The following SGTB variants were observed in gnomAD, a reference collection of about 807,000 sequenced individuals.
The protein encoded by SGTB is small glutamine rich tetratricopeptide repeat co-chaperone beta.
In SGTB, 19 loss-of-function variants were observed where a neutral mutation model predicts 43.9. That is an observed-to-expected ratio of 0.43 (90% CI 0.30 to 0.63). SGTB has a LOEUF of 0.63. Ranked by LOEUF, SGTB falls within the 30% of genes least tolerant of loss-of-function variation. SGTB has a pLI of 0.12. For missense variants in SGTB, 304 were observed against 358.9 expected, an observed-to-expected ratio of 0.85 and a Z score of 1.24; for synonymous variants, 116 against 117.3, an observed-to-expected ratio of 0.99 and a Z score of 0.07.
chr5:65,722,080 G>C lies in SGTB; in HGVS notation c.-186C>G, dbSNP rs925443397. ...AGGCCGTAGACCCCAGAACCCACCA[G>C]GCTGTGCTCTCTCTCAGGCGGCAGG... is the stretch of plus-strand genomic sequence containing the variant. On this transcript the variant is annotated 5_prime_UTR_variant, in exon 1 of 11. Coordinates refer to ENST00000381007, the MANE Select transcript of SGTB (RefSeq NM_019072.3). The C allele has an allele frequency of 6.0e-6, 1 of 165,576 alleles. No homozygotes were observed. The highest frequency in any genetic ancestry group is 2.4e-5 in the African/African-American group (1 of 41,784). 10.3% of individuals were successfully genotyped at this position (165,576 alleles called of 1,614,324 possible). A position where few individuals can be genotyped will look rare whatever the true frequency, so the allele number is the denominator to read the frequency against.
rs1757053462 is a variant in SGTB at position 65,667,123 on chromosome 5, T to A, written c.*3123A>T. On this transcript the variant is annotated 3_prime_UTR_variant, in exon 11 of 11. Transcript: ENST00000381007. ...TATGGTTCTGTTTAGGTTATCTGTT[T>A]CTACAGTGAGCTTTCTAGTTTGTAT... 1.3e-5 allele frequency: 2 copies of A among 152,348 alleles called. No homozygotes were observed. Among genetic ancestry groups the A allele is most frequent in the South Asian group, 4.1e-4 (2 of 4,828 alleles). The allele number at this position is 152,348 out of a possible 1,614,324, so 9.4% of individuals were successfully genotyped here. A position where few individuals can be genotyped will look rare whatever the true frequency, so the allele number is the denominator to read the frequency against.
Position 65,668,695 on chromosome 5 carries a change from T to G in SGTB, c.*1551A>C, listed in dbSNP as rs1757090856. On this transcript the variant is annotated 3_prime_UTR_variant, in exon 11 of 11. Coordinates refer to ENST00000381007, the MANE Select transcript of SGTB (RefSeq NM_019072.3). ...GGCAGAGGTTGCAGTGAGCCGCGAT[T>G]GCGCCACTGCACTCCAGCCTGGCGA... 6.7e-6 allele frequency: 1 copy of G among 149,680 alleles called. No individual in the cohort carries two copies. The highest frequency in any genetic ancestry group is 1.5e-5 in the Non-Finnish European group (1 of 67,816). 9.3% of individuals were successfully genotyped at this position (149,680 alleles called of 1,614,324 possible).
intron 8 of SGTB, among the ~76,000 whole-genome samples, chr5:65,676,899 A>G (rs1177367523): frequency 6.6e-6 from 1 of 152,024 alleles, no homozygotes; most frequent in Non-Finnish European, 1.5e-5. Flanking sequence ...ACAACCTAAT[A>G]TCACAAATAA....
intron 5 of SGTB, among the ~76,000 whole-genome samples, chr5:65,703,986 C>G (rs938392764): frequency 7.4e-6 from 1 of 135,104 alleles, no homozygotes; most frequent in African/African-American, 2.8e-5. Flanking sequence ...TGCAGTGAGC[C>G]GAGATCATGC....
intron 2 of SGTB, among the ~76,000 whole-genome samples, chr5:65,715,904 G>T (rs984133997): frequency 6.6e-6 from 1 of 152,202 alleles, no homozygotes; most frequent in African/African-American, 2.4e-5. Context: ...TGAGTAGCTG[G>T]GATTACAGAC....
At position 65,668,757 on chromosome 5, in the gene SGTB, AAT is replaced by A; in HGVS notation, c.*1487_*1488del. 1 of 150,960 alleles carries A rather than the reference AAT, an allele frequency of 6.6e-6. No homozygotes were observed. Among genetic ancestry groups the A allele is most frequent in the Non-Finnish European group, 1.5e-5 (1 of 67,674 alleles). 9.4% of individuals were successfully genotyped at this position (150,960 alleles called of 1,614,324 possible). A position where few individuals can be genotyped will look rare whatever the true frequency, so the allele number is the denominator to read the frequency against. On this transcript the variant is annotated 3_prime_UTR_variant, in exon 11 of 11. Coordinates refer to ENST00000381007, the MANE Select transcript of SGTB (RefSeq NM_019072.3). ...TCCATCTCAAGAAAAAAAAAAAAAA[AAT>A]TAGCTGGGCGTGGTGGTGGGCGCCC...
intron 5 of SGTB, among the ~76,000 whole-genome samples, chr5:65,702,686 G>A (rs1429128476): frequency 6.6e-6 from 1 of 152,094 alleles, no homozygotes; most frequent in African/African-American, 2.4e-5. Flanking sequence ...CCTTCCAAAG[G>A]TTCCACCTCC....
Position 65,713,024 on chromosome 5 carries a change from TGGG to T in SGTB, c.138_140del (p.Ser46_Pro47delinsArg). Reference sequence around the variant, plus strand: ...GTGAAACTGCTAGGTGTGTATCTTCTGGGCTGATCTTAAAAACTGTCTCCAAGC... The same window carrying T: ...GTGAAACTGCTAGGTGTGTATCTTCTCTGATCTTAAAAACTGTCTCCAAGC... On this transcript the variant is annotated inframe_deletion, in exon 3 of 11. Transcript: ENST00000381007. 1 of 1,613,694 alleles carries T rather than the reference TGGG, an allele frequency of 6.2e-7. No homozygotes were observed. The highest frequency in any genetic ancestry group is 1.3e-5 in the African/African-American group (1 of 75,054).
chr5:65,682,217 TA>T (rs1757410792), intron 6 of SGTB, among the ~76,000 whole-genome samples: 1 of 152,148 alleles, frequency 6.6e-6, no homozygotes, highest in African/African-American at 2.4e-5. Context: ...GCAAGCTTGG[TA>T]TTCTTAAGGA....
chr5:65,707,433 CA>C (rs1757954703), intron 4 of SGTB, among the ~76,000 whole-genome samples: 1 of 145,968 alleles, frequency 6.9e-6, no homozygotes, highest in African/African-American at 2.6e-5. Context: ...CACACACACA[CA>C]CATATATTTT....
chr5:65,678,282 G>T (rs1057057990), intron 8 of SGTB, among the ~76,000 whole-genome samples: 32 of 152,108 alleles, frequency 2.1e-4, no homozygotes, highest in African/African-American at 7.7e-4. Flanking sequence ...TAGAAATACA[G>T]CTAACAGGCA....
intron 5 of SGTB, among the ~76,000 whole-genome samples, chr5:65,696,554 T>G (rs1473175431): frequency 6.6e-6 from 1 of 152,184 alleles, no homozygotes; most frequent in Non-Finnish European, 1.5e-5. Context: ...AAAAATTGGC[T>G]GAATTCCTAC....
At position 65,666,492 on chromosome 5, in the gene SGTB, C is replaced by T. The variant is rs751219316; in HGVS notation, c.*3754G>A. On this transcript the variant is annotated 3_prime_UTR_variant, in exon 11 of 11. Transcript: ENST00000381007. ...GTTAATGGAAGTCAAACATTTAGTA[C>T]GATGCTTAAAGAGTTACTTTAATAA... is the stretch of plus-strand genomic sequence containing the variant. The T allele has an allele frequency of 3.3e-5, 5 of 152,114 alleles. No homozygotes were observed. The highest frequency in any genetic ancestry group is 5.9e-5 in the Non-Finnish European group (4 of 67,992). The allele number at this position is 152,114 out of a possible 1,614,324, so 9.4% of individuals were successfully genotyped here. A position where few individuals can be genotyped will look rare whatever the true frequency, so the allele number is the denominator to read the frequency against.
chr5:65,695,365 A>G (rs376449800), intron 5 of SGTB, among the ~76,000 whole-genome samples: 1 of 152,332 alleles, frequency 6.6e-6, no homozygotes, highest in East Asian at 1.9e-4. Context: ...TTGGATCACA[A>G]ACTGCAAGTT....
At chr5:65,701,009 C>CAAAAAAAAAAAAAAAAAAAAAA in intron 5 of SGTB, among the ~76,000 whole-genome samples, 1 of 16,086 alleles carries the variant, frequency 6.2e-5, no homozygotes, top group Non-Finnish European at 1.5e-4. Flanking sequence ...GACTCCGTCT[C>CAAAAAAAAAAAAAAAAAAAAAA]AAAAAAAAAA....
rs566714293 is a variant in SGTB at position 65,667,475 on chromosome 5, T to G, written c.*2771A>C. 1.6e-4 allele frequency: 24 copies of G among 152,344 alleles called. No homozygotes were observed. Among genetic ancestry groups the G allele is most frequent in the African/African-American group, 5.8e-4 (24 of 41,574 alleles). The allele number at this position is 152,344 out of a possible 1,614,324, so 9.4% of individuals were successfully genotyped here. ...ACTTCTATGTGTTAGTAGTAGTACT[T>G]CGTTCTGTGTAATACTGGAATACTA... On this transcript the variant is annotated 3_prime_UTR_variant, in exon 11 of 11. Coordinates refer to ENST00000381007, the MANE Select transcript of SGTB (RefSeq NM_019072.3).
At position 65,696,924 on chromosome 5, in the gene SGTB, G is replaced by C. The variant is rs145520387; in HGVS notation, c.374+7355C>G. 5.4e-3 allele frequency among the ~76,000 whole-genome samples: 822 copies of C among 152,264 alleles called. 6 individuals carry two copies. The highest frequency in any genetic ancestry group is 0.019 in the African/African-American group (776 of 41,554). ...TGATCATTTTCTAACAAATTAAAAA[G>C]TCAGTTCTATAAAAAGTAAACATTA... On this transcript the variant is annotated intron_variant, in intron 5 of 10. Transcript: ENST00000381007.
At position 65,670,250 on chromosome 5, in the gene SGTB, G is replaced by A. The variant is rs1394770280; in HGVS notation, c.911C>T (p.Ser304Phe). 1 of 1,613,798 alleles carries A rather than the reference G, an allele frequency of 6.2e-7. No individual in the cohort carries two copies. Among genetic ancestry groups the A allele is most frequent in the Non-Finnish European group, 8.5e-7 (1 of 1,179,768 alleles). The change falls in exon 11 of 11, where the codon TCC (serine) becomes TTC (phenylalanine). Residue 304 changes from serine to phenylalanine, a missense_variant. Physicochemically the swap from Ser to Phe is radical, Grantham distance 155. Coordinates refer to ENST00000381007, the MANE Select transcript of SGTB (RefSeq NM_019072.3). ...RSFSSSAEEH[S>F] ...GGGCTTGAGCCCCTGGTTAAATCAG[G>A]AATGCTCTTCAGCGCTGCTGCTGAA...
At chr5:65,676,086 A>G (rs1447432777) in intron 8 of SGTB, among the ~76,000 whole-genome samples, 1 of 152,206 alleles carries the variant, frequency 6.6e-6, no homozygotes, top group Non-Finnish European at 1.5e-5. Flanking sequence ...GCTGTATTCA[A>G]GAGACCCACT....
Sources: allele counts gnomAD v4.1 joint callset (sites outside exome capture counted in the v4.1 genomes callset), GRCh38; gene constraint gnomAD v4.1.1; transcripts MANE v1.5; gene names NCBI Gene and HGNC (gene_info 2026-07-23, HGNC 2026-07-21).